The following UNC80 variants were observed in gnomAD, a reference collection of about 807,000 sequenced individuals.
The protein encoded by UNC80 is unc-80 subunit of NALCN channel complex.
UNC80 carries 164 observed loss-of-function variants against 384.6 expected under a neutral mutation model. The observed-to-expected ratio is 0.43, with a 90% confidence interval of 0.38 to 0.49. The LOEUF (loss-of-function observed/expected upper bound fraction) is 0.49, where lower values mean the gene tolerates loss of function less well. Among genes scored for constraint, UNC80 ranks in the 20% least tolerant of loss-of-function variants. UNC80 has a pLI of 0.00. For missense variants in UNC80, 3,330 were observed against 4,143.0 expected, an observed-to-expected ratio of 0.80 and a Z score of 5.39; for synonymous variants, 1,486 against 1,527.8, an observed-to-expected ratio of 0.97 and a Z score of 0.64.
At chr2:209,836,956 C>T (rs1559171559) in intron 18 of UNC80, among the ~76,000 whole-genome samples, 1 of 152,180 alleles carries the variant, frequency 6.6e-6, no homozygotes, top group East Asian at 1.9e-4. Flanking sequence ...TCCAGCCAGA[C>T]TACATAGTCA....
In UNC80 at chr2:209,982,250, C is replaced by T. The variant is rs2093175034; in HGVS notation, c.9190C>T (p.Arg3064Ter). 7 of 1,551,378 alleles carry T rather than the reference C, an allele frequency of 4.5e-6. No homozygotes were observed. The highest frequency in any genetic ancestry group is 5.2e-6 in the Non-Finnish European group (6 of 1,146,932). The change falls in exon 60 of 65, where the codon CGA (arginine) becomes TGA (stop). Residue 3064 changes from arginine to a stop codon, truncating the protein, a stop_gained. Coordinates refer to ENST00000673920, the MANE Select transcript of UNC80 (RefSeq NM_001371986.1). LOFTEE classifies it high-confidence loss of function. ...CCTCCTGAGTGCCATTGGAAGGAGG[C>T]GATTCTCCAGCCATGTCTCCAGCAT... ...AYLLSAIGRR[R>*]FSSHVSSMSV...
chr2:209,981,541 C>T (rs887089045), intron 59 of UNC80, among the ~76,000 whole-genome samples: 3 of 152,180 alleles, frequency 2.0e-5, no homozygotes, highest in Non-Finnish European at 4.4e-5. Context: ...CGCGCCAATG[C>T]ACTCCAGCCT....
chr2:209,789,847 G>C (rs1302465164), intron 6 of UNC80, among the ~76,000 whole-genome samples: 1 of 151,882 alleles, frequency 6.6e-6, no homozygotes, highest in Non-Finnish European at 1.5e-5. Flanking sequence ...TTATCTCGGT[G>C]GTTAGTGTGT....
intron 51 of UNC80, among the ~76,000 whole-genome samples, chr2:209,966,423 G>A (rs1038697036): frequency 5.3e-5 from 8 of 151,868 alleles, no homozygotes; most frequent in African/African-American, 1.9e-4. Flanking sequence ...GCATCTACTC[G>A]GTATATTTTA....
intron 20 of UNC80, among the ~76,000 whole-genome samples, chr2:209,842,027 T>C (rs931673582): frequency 2.0e-5 from 3 of 152,354 alleles, no homozygotes; most frequent in Non-Finnish European, 4.4e-5. Flanking sequence ...TTGTAAAGAA[T>C]GACTATGTCT....
intron 22 of UNC80, among the ~76,000 whole-genome samples, chr2:209,859,227 C>T (rs1463654236): frequency 1.3e-5 from 2 of 152,106 alleles, no homozygotes; most frequent in African/African-American, 4.8e-5. Flanking sequence ...TGCTGCTTAC[C>T]TCTCTGTGCC....
Position 209,872,993 on chromosome 2 carries a change from T to C in UNC80, c.3840+23T>C, listed in dbSNP as rs1179786561. The C allele has an allele frequency of 1.3e-6, 2 of 1,548,478 alleles. No homozygotes were observed. The highest frequency in any genetic ancestry group is 2.0e-5 in the Admixed American group (1 of 50,986). ...GACGTGAGCTTTCGGTTTTCTTCTA[T>C]AACAATTAGGTTGCTTAAGTGAAGT... On this transcript the variant is annotated intron_variant, in intron 23 of 64. Transcript: ENST00000673920. The surrounding 1 kb of genome is among the most constrained non-coding windows in gnomAD (Gnocchi z 4.1).
chr2:209,924,260 C>T (rs1276176485), intron 35 of UNC80, among the ~76,000 whole-genome samples: 1 of 152,120 alleles, frequency 6.6e-6, no homozygotes, highest in Non-Finnish European at 1.5e-5. Flanking sequence ...CTTTCCTCAT[C>T]AGGATTTTTT....
intron 7 of UNC80, among the ~76,000 whole-genome samples, chr2:209,796,787 T>C (rs1022865794): frequency 6.6e-6 from 1 of 152,196 alleles, no homozygotes; most frequent in Admixed American, 6.5e-5. Context: ...CATGTGGAAC[T>C]GTAAGTCCAA....
chr2:209,841,301 A>C (rs762619351), intron 20 of UNC80, among the ~76,000 whole-genome samples: 1 of 152,150 alleles, frequency 6.6e-6, no homozygotes, highest in Non-Finnish European at 1.5e-5. Context: ...CACTAAAACC[A>C]GGGTTGTTTT....
intron 51 of UNC80, 110 bp downstream of exon 51, chr2:209,959,817 G>A: frequency 9.9e-7 from 1 of 1,015,076 alleles, no homozygotes; most frequent in Non-Finnish European, 1.4e-6. Flanking sequence ...TCTTAATATA[G>A]AATGATTTGT....
intron 28 of UNC80, among the ~76,000 whole-genome samples, chr2:209,901,965 T>C (rs1033641376): frequency 6.6e-5 from 10 of 151,854 alleles, no homozygotes; most frequent in African/African-American, 2.4e-4. Context: ...GGGGTATAGC[T>C]GCCACCACAG....
intron 46 of UNC80, among the ~76,000 whole-genome samples, chr2:209,945,464 A>C (rs2124983829): frequency 6.6e-6 from 1 of 152,292 alleles, no homozygotes. Context: ...GTTTTCAGAA[A>C]GTTGGGTTAT....
At chr2:209,975,330 ATCTTTGATG>A (rs1054480197) in intron 56 of UNC80, among the ~76,000 whole-genome samples, 36 of 152,166 alleles carry the variant, frequency 2.4e-4, no homozygotes, top group Non-Finnish European at 4.7e-4. Flanking sequence ...TCCCGTCATA[ATCTTTGATG>A]TCTTCACAAT....
intron 44 of UNC80, among the ~76,000 whole-genome samples, chr2:209,943,007 A>G (rs1038477117): frequency 6.6e-6 from 1 of 152,176 alleles, no homozygotes; most frequent in Non-Finnish European, 1.5e-5. Flanking sequence ...ACAGCATTCT[A>G]TGATTTGTAT....
At chr2:209,832,031 AG>A (rs1179935251) in intron 16 of UNC80, among the ~76,000 whole-genome samples, 2 of 152,328 alleles carry the variant, frequency 1.3e-5, no homozygotes, top group Non-Finnish European at 2.9e-5. Context: ...GTAATCTTTT[AG>A]CTACTTGTCT....
At chr2:209,853,463 A>G (rs536161151) in intron 22 of UNC80, among the ~76,000 whole-genome samples, 22 of 152,058 alleles carry the variant, frequency 1.4e-4, no homozygotes, top group Admixed American at 5.9e-4. Flanking sequence ...TATTATTGCT[A>G]TGACCACTAA....
intron 63 of UNC80, 29 bp from the exon 64 acceptor site, chr2:209,994,036 C>G (rs1010287977): frequency 6.5e-6 from 10 of 1,527,942 alleles, no homozygotes; most frequent in Non-Finnish European, 7.9e-6. Context: ...CAACTCCTCC[C>G]CAATTTACTG....
intron 61 of UNC80, among the ~76,000 whole-genome samples, chr2:209,985,796 C>T (rs1225951497): frequency 6.6e-6 from 1 of 152,174 alleles, no homozygotes; most frequent in Non-Finnish European, 1.5e-5. Context: ...CTAGTGAGTA[C>T]AATACACCCG....
Sources: gnomAD v4.1 joint callset for allele counts (sites outside exome capture counted in the v4.1 genomes callset) on GRCh38, gnomAD v4.1.1 for gene constraint, Gnocchi (gnomAD v3.1) non-coding constraint, MANE v1.5 for transcripts, NCBI Gene and HGNC (gene_info 2026-07-23, HGNC 2026-07-21) for gene names.